Variants in NR6A1 observed in about 807,000 individuals in gnomAD.
The protein encoded by NR6A1 is nuclear receptor subfamily 6 group A member 1, also known as retinoic acid receptor-related testis-associated receptor.
In NR6A1, 7 loss-of-function variants were observed where a neutral mutation model predicts 59.1. The ratio of observed to expected loss-of-function variants is 0.12; its 90% CI spans 0.07 to 0.22. The LOEUF is 0.22. Among genes scored for constraint, NR6A1 ranks in the 10% least tolerant of loss-of-function variants. NR6A1 has a pLI of 1.00. For missense variants in NR6A1, 468 were observed against 611.6 expected (o/e 0.77, Z 2.48); for synonymous variants, 243 against 236.1 (o/e 1.03, Z -0.27).
At chr9:124,614,776 T>C (rs1835843001) in intron 2 of NR6A1, among the ~76,000 whole-genome samples, 1 of 152,144 alleles carries the variant, frequency 6.6e-6, no homozygotes, top group African/African-American at 2.4e-5. Flanking sequence ...ACACTGAAAT[T>C]TTCTTTTTTT....
intron 2 of NR6A1, among the ~76,000 whole-genome samples, chr9:124,702,084 A>G (rs1197904249): frequency 6.6e-6 from 1 of 152,174 alleles, no homozygotes; most frequent in African/African-American, 2.4e-5. Flanking sequence ...CCATTTTCTT[A>G]ATAACGTATT....
Position 124,521,378 on chromosome 9 carries a change from TGGCTCC to T in NR6A1, c.*1321_*1326del, listed in dbSNP as rs1302929154. ...GCCCCCCTTCCCTTCCAGGTGCTTCTGGCTCCAGCCCTCCAGGCCTTGGCTGGCCAG... is the reference window on the plus strand; with the variant it reads ...GCCCCCCTTCCCTTCCAGGTGCTTCTAGCCCTCCAGGCCTTGGCTGGCCAG... On this transcript the variant is annotated 3_prime_UTR_variant, in exon 10 of 10. Coordinates refer to ENST00000487099, the MANE Select transcript of NR6A1 (RefSeq NM_033334.4). The T allele has an allele frequency of 6.6e-6, 1 of 152,536 alleles. No homozygotes were observed. Among genetic ancestry groups the T allele is most frequent in the East Asian group, 1.9e-4 (1 of 5,200 alleles). 9.4% of individuals were successfully genotyped at this position (152,536 alleles called of 1,614,324 possible).
At chr9:124,563,652 C>T (rs1834144427) in intron 2 of NR6A1, among the ~76,000 whole-genome samples, 1 of 152,216 alleles carries the variant, frequency 6.6e-6, no homozygotes, top group South Asian at 2.1e-4. Context: ...CAACTCTAAA[C>T]AGACAGTCCC....
At chr9:124,574,677 T>TC (rs1834539231) in intron 2 of NR6A1, among the ~76,000 whole-genome samples, 2 of 152,266 alleles carry the variant, frequency 1.3e-5, no homozygotes, top group South Asian at 2.1e-4. Flanking sequence ...ATATATCATT[T>TC]CCCCATCACA....
rs922041958 is a variant in NR6A1 at position 124,535,755 on chromosome 9, G to A, written c.1079+123C>T. ...TCACAAATCTAGTCAGTGGCAGAGT[G>A]AGGATTCAAATCCAGGCCTATGAGG... On this transcript the variant is annotated intron_variant, in intron 7 of 9. Transcript: ENST00000487099. 213 of 1,220,806 alleles carry A rather than the reference G, an allele frequency of 1.7e-4. 1 individual carries two copies. Among genetic ancestry groups the A allele is most frequent in the Admixed American group, 8.3e-5 (4 of 48,206 alleles). The allele number at this position is 1,220,806 out of a possible 1,614,324, so 75.6% of individuals were successfully genotyped here. A position where few individuals can be genotyped will look rare whatever the true frequency, so the allele number is the denominator to read the frequency against.
intron 1 of NR6A1, among the ~76,000 whole-genome samples, chr9:124,754,333 T>C (rs1276634378): frequency 2.6e-5 from 4 of 152,238 alleles, no homozygotes; most frequent in Non-Finnish European, 5.9e-5. Flanking sequence ...GCCAATTCTC[T>C]AAATTTGTCA....
chr9:124,543,065 C>T (rs1050157885), intron 4 of NR6A1, among the ~76,000 whole-genome samples: 1 of 152,224 alleles, frequency 6.6e-6, no homozygotes, highest in African/African-American at 2.4e-5. Flanking sequence ...CCCTAATGAA[C>T]TGATTCCAAA....
At chr9:124,592,050 G>C (rs1324327203) in intron 2 of NR6A1, among the ~76,000 whole-genome samples, 1 of 152,200 alleles carries the variant, frequency 6.6e-6, no homozygotes, top group Non-Finnish European at 1.5e-5. Context: ...GAAAAAATTG[G>C]TGGTCGCGGG....
At chr9:124,586,161 T>C (rs1198335022) in intron 2 of NR6A1, among the ~76,000 whole-genome samples, 2 of 152,212 alleles carry the variant, frequency 1.3e-5, no homozygotes, top group African/African-American at 4.8e-5. Flanking sequence ...CATAAGGCTA[T>C]AGCTGCCATA....
intron 2 of NR6A1, among the ~76,000 whole-genome samples, chr9:124,606,948 T>G (rs1280884834): frequency 6.6e-6 from 1 of 152,176 alleles, no homozygotes; most frequent in African/African-American, 2.4e-5. Context: ...GAAATATTAT[T>G]CAATCCTGGG....
intron 1 of NR6A1, among the ~76,000 whole-genome samples, chr9:124,765,770 G>T (rs1174234789): frequency 6.6e-6 from 1 of 151,856 alleles, no homozygotes; most frequent in African/African-American, 2.4e-5. Flanking sequence ...GGGTTTTTTT[G>T]AGAAGCTTTT....
chr9:124,643,111 GA>G (rs1836815518), intron 2 of NR6A1, among the ~76,000 whole-genome samples: 1 of 71,388 alleles, frequency 1.4e-5, no homozygotes, highest in African/African-American at 5.0e-5. Flanking sequence ...TGGGGGGGGG[GA>G]ACAAAAACAA....
chr9:124,637,127 C>G (rs968821927), intron 2 of NR6A1, among the ~76,000 whole-genome samples: 7 of 152,080 alleles, frequency 4.6e-5, no homozygotes, highest in Non-Finnish European at 1.0e-4. Flanking sequence ...AGCATTTGAG[C>G]TCCGTTTTGA....
Position 124,626,580 on chromosome 9 carries a change from T to C in NR6A1, c.143-72010A>G, listed in dbSNP as rs531082465. On this transcript the variant is annotated intron_variant, in intron 2 of 9. Transcript: ENST00000487099. ...GACAGATACTGACTTACAAATTATA[T>C]ATATTTCCAAAAGTCACTTTTTGGC... is the stretch of plus-strand genomic sequence containing the variant. Among the ~76,000 whole-genome samples, 14 of 152,316 alleles carry C rather than the reference T, an allele frequency of 9.2e-5. No individual in the cohort carries two copies. The East Asian group carries it at 2.7e-3, about 29-fold the overall frequency.
At chr9:124,659,483 G>A (rs187292723) in intron 2 of NR6A1, among the ~76,000 whole-genome samples, 52 of 152,272 alleles carry the variant, frequency 3.4e-4, no homozygotes, top group Admixed American at 5.9e-4. Flanking sequence ...AGAAAATACC[G>A]GGAACTGGAG....
In NR6A1 at chr9:124,622,297, T is replaced by C. The variant is rs1174046319; in HGVS notation, c.143-67727A>G. Among the ~76,000 whole-genome samples the C allele has an allele frequency of 3.9e-5, 6 of 152,330 alleles. No homozygotes were observed. The South Asian group carries it at 1.2e-3, about 32-fold the overall frequency. On this transcript the variant is annotated intron_variant, in intron 2 of 9. Coordinates refer to ENST00000487099, the MANE Select transcript of NR6A1 (RefSeq NM_033334.4). The stretch of plus-strand genomic sequence containing the variant: ...AGGGTTTACAGAACTGCAACAAGAA[T>C]TGGTTCTGTGTGTAATATCCCATGT...
chr9:124,731,989 T>C (rs867205188), intron 2 of NR6A1, among the ~76,000 whole-genome samples: 2 of 152,206 alleles, frequency 1.3e-5, no homozygotes, highest in African/African-American at 2.4e-5. Context: ...ACTGGGGCTA[T>C]ACTATCTAAT....
At chr9:124,732,143 G>A (rs1439295703) in intron 2 of NR6A1, among the ~76,000 whole-genome samples, 1 of 152,200 alleles carries the variant, frequency 6.6e-6, no homozygotes, top group South Asian at 2.1e-4. Flanking sequence ...GGAGGGCAGA[G>A]GCGAATATGT....
chr9:124,752,828 AG>A (rs1406690880), intron 1 of NR6A1, among the ~76,000 whole-genome samples: 9 of 151,788 alleles, frequency 5.9e-5, no homozygotes, highest in Non-Finnish European at 7.4e-5. Context: ...AAAAAAAAAA[AG>A]ATCAGAAAAA....
Sources: allele counts gnomAD v4.1 joint callset (sites outside exome capture counted in the v4.1 genomes callset), GRCh38; gene constraint gnomAD v4.1.1; transcripts MANE v1.5; gene names NCBI Gene and HGNC (gene_info 2026-07-23, HGNC 2026-07-21).